Variants in CIMAP3 observed in about 807,000 individuals in gnomAD.
CIMAP3 encodes the protein ciliary microtubule associated protein 3.
the CIMAP3 span, among the ~76,000 whole-genome samples, chr1:111,344,349 T>C: frequency 6.6e-6 from 1 of 152,182 alleles, no homozygotes; most frequent in Non-Finnish European, 1.5e-5. Context: ...TGTTTTCCAG[T>C]TTCCCCTTCT....
At chr1:111,346,672 G>A in the CIMAP3 span, 7 of 1,613,996 alleles carry the variant, frequency 4.3e-6, no homozygotes, top group African/African-American at 9.3e-5. Context: ...AGCAGAGCAG[G>A]TGAGGAGGGC....
chr1:111,352,268 A>G, the CIMAP3 span: 23,545 of 152,624 alleles, frequency 0.15, 1,966 homozygotes, highest in African/African-American at 0.21. Flanking sequence ...CTTTTAATAA[A>G]AGGGTCCTTT....
chr1:111,347,618 C>CTTTTTTTTTTTTTTTTTTTTTTTTTTT, the CIMAP3 span: 1 of 883,182 alleles, frequency 1.1e-6, no homozygotes, highest in Non-Finnish European at 1.7e-6. Context: ...GTTGTTTTTT[C>CTTTTTTTTTTTTTTTTTTTTTTTTTTT]TTTCTTTTTT....
the CIMAP3 span, among the ~76,000 whole-genome samples, chr1:111,339,847 A>G: frequency 1.3e-5 from 2 of 151,858 alleles, no homozygotes; most frequent in Non-Finnish European, 2.9e-5. Context: ...CAGAATTGGA[A>G]AAAACTACTT....
At chr1:111,346,624 T>C in the CIMAP3 span, 3 of 1,613,956 alleles carry the variant, frequency 1.9e-6, no homozygotes, top group Non-Finnish European at 1.7e-6. Context: ...GGCAACGCAG[T>C]ACACAAGTGC....
At chr1:111,329,887 C>G in the CIMAP3 span, among the ~76,000 whole-genome samples, 1 of 152,036 alleles carries the variant, frequency 6.6e-6, no homozygotes. Context: ...TTTGTTCATT[C>G]CTTTTCATTT....
the CIMAP3 span, chr1:111,351,224 A>G: frequency 2.7e-6 from 4 of 1,458,334 alleles, no homozygotes; most frequent in Non-Finnish European, 3.8e-6. Context: ...GGTTCTCATT[A>G]GAATATTGAT....
At chr1:111,335,642 G>T in the CIMAP3 span, among the ~76,000 whole-genome samples, 5 of 152,250 alleles carry the variant, frequency 3.3e-5, no homozygotes, top group African/African-American at 1.2e-4. Context: ...CAGCGAGGCT[G>T]GGGGAGGGGC....
chr1:111,342,336 A>T, the CIMAP3 span, among the ~76,000 whole-genome samples: 1 of 152,240 alleles, frequency 6.6e-6, no homozygotes, highest in East Asian at 1.9e-4. Flanking sequence ...TAAGTTCTGT[A>T]CATGAGTGGA....
chr1:111,336,254 AAC>A, the CIMAP3 span, among the ~76,000 whole-genome samples: 74 of 152,190 alleles, frequency 4.9e-4, no homozygotes, highest in Non-Finnish European at 3.4e-4. Flanking sequence ...ATGGGGAAAA[AAC>A]AGAGAAGAAA....
chr1:111,339,054 T>G, the CIMAP3 span, among the ~76,000 whole-genome samples: 1 of 151,808 alleles, frequency 6.6e-6, no homozygotes, highest in Non-Finnish European at 1.5e-5. Context: ...TTCAATATAC[T>G]CAAATCAATA....
chr1:111,333,950 T>A, the CIMAP3 span, among the ~76,000 whole-genome samples: 1 of 152,238 alleles, frequency 6.6e-6, no homozygotes, highest in Non-Finnish European at 1.5e-5. Flanking sequence ...CAGTCCATCG[T>A]TGATCAAAAT....
chr1:111,347,686 G>A, the CIMAP3 span: 2 of 1,608,122 alleles, frequency 1.2e-6, no homozygotes, highest in East Asian at 2.2e-5. Flanking sequence ...ATATGGCTTG[G>A]CATACGACTT....
chr1:111,346,542 A>G, the CIMAP3 span: 28 of 1,557,400 alleles, frequency 1.8e-5, no homozygotes, highest in Non-Finnish European at 2.3e-5. Context: ...CTTGCCGCGC[A>G]GGCGCGCTCG....
chr1:111,352,522 G>A, the CIMAP3 span: 1 of 152,588 alleles, frequency 6.6e-6, no homozygotes, highest in African/African-American at 2.4e-5. Flanking sequence ...GTGAAGGACA[G>A]AAAAGTCTTT....
the CIMAP3 span, among the ~76,000 whole-genome samples, chr1:111,340,847 C>T: frequency 6.6e-6 from 1 of 152,026 alleles, no homozygotes; most frequent in Non-Finnish European, 1.5e-5. Context: ...CCCAGCCATC[C>T]CATTACTGGG....
At chr1:111,334,734 G>C in the CIMAP3 span, among the ~76,000 whole-genome samples, 1 of 152,176 alleles carries the variant, frequency 6.6e-6, no homozygotes, top group African/African-American at 2.4e-5. Context: ...ATGGAATTGA[G>C]AAAATAATTT....
chr1:111,350,475 T>C, the CIMAP3 span, among the ~76,000 whole-genome samples: 2 of 152,186 alleles, frequency 1.3e-5, no homozygotes, highest in African/African-American at 4.8e-5. Flanking sequence ...ATAACTTTTG[T>C]GGTAGGTACA....
chr1:111,329,434 C>G, the CIMAP3 span, among the ~76,000 whole-genome samples: 2 of 148,426 alleles, frequency 1.3e-5, no homozygotes, highest in Non-Finnish European at 3.0e-5. Flanking sequence ...TATACTGATA[C>G]ATGTTTTCCA....
Sources: allele counts gnomAD v4.1 joint callset (sites outside exome capture counted in the v4.1 genomes callset), GRCh38; gene constraint gnomAD v4.1.1; transcripts MANE v1.5; gene names NCBI Gene and HGNC (gene_info 2026-07-23, HGNC 2026-07-21).